Variants in WDR49 observed in about 807,000 individuals in gnomAD.
The protein encoded by WDR49 is WD repeat domain 49, also known as cilia- and flagella-associated protein 337.
In WDR49, 107 loss-of-function variants were observed where a neutral mutation model predicts 119.5. That is an observed-to-expected ratio of 0.90 (90% CI 0.77 to 1.05). The LOEUF (loss-of-function observed/expected upper bound fraction) is 1.05. Ranked by LOEUF, WDR49 falls within the 50% of genes least tolerant of loss-of-function variation. The probability of loss-of-function intolerance (pLI) is 0.00; values close to 1 mark genes in which losing one functional copy is unlikely to be tolerated. For synonymous variants in WDR49, 425 were observed against 418.8 expected, an observed-to-expected ratio of 1.01 and a Z score of -0.18; for missense variants, 1,240 against 1,220.5, an observed-to-expected ratio of 1.02 and a Z score of -0.24.
At chr3:167,540,373 A>T (rs553958014) in intron 10 of WDR49, among the ~76,000 whole-genome samples, 1 of 152,280 alleles carries the variant, frequency 6.6e-6, no homozygotes. Context: ...GACTCTTTGC[A>T]GACACTCCCC....
chr3:167,533,983 T>C (rs893128548), intron 11 of WDR49, among the ~76,000 whole-genome samples: 7 of 151,480 alleles, frequency 4.6e-5, no homozygotes, highest in African/African-American at 1.7e-4. Flanking sequence ...AGGTCAGGAG[T>C]TCGAGACCAG....
In WDR49 at chr3:167,537,862, A is replaced by T. The variant is rs192495456; in HGVS notation, c.1824-862T>A. ...CAAAGTTATGGGGTCTTTCACCATC[A>T]TTCTCTCTTCACCTTCCTGAAATCT... On this transcript the variant is annotated intron_variant, in intron 10 of 18. Coordinates refer to ENST00000682715, the MANE Select transcript of WDR49 (RefSeq NM_001366157.1). Among the ~76,000 whole-genome samples, 22 of 152,164 alleles carry T rather than the reference A, an allele frequency of 1.4e-4. No homozygotes were observed. In the East Asian group the frequency reaches 4.3e-3, roughly 29 times the overall value.
chr3:167,607,365 G>T (rs1037506503), intron 5 of WDR49, among the ~76,000 whole-genome samples: 1 of 152,084 alleles, frequency 6.6e-6, no homozygotes, highest in Non-Finnish European at 1.5e-5. Context: ...CACTTTCTGA[G>T]CCCCAACAGT....
chr3:167,648,341 A>AGAT (rs1048027018), intron 2 of WDR49, among the ~76,000 whole-genome samples: 20 of 152,224 alleles, frequency 1.3e-4, no homozygotes, highest in Non-Finnish European at 2.1e-4. Context: ...TTACAACAGA[A>AGAT]GATACATAGG....
At chr3:167,635,873 T>A (rs749462852) in intron 2 of WDR49, among the ~76,000 whole-genome samples, 1 of 151,726 alleles carries the variant, frequency 6.6e-6, no homozygotes, top group Non-Finnish European at 1.5e-5. Flanking sequence ...CAGCACCAGT[T>A]AGGTATACGT....
chr3:167,491,615 A>T (rs947341573), intron 18 of WDR49, among the ~76,000 whole-genome samples: 18 of 152,188 alleles, frequency 1.2e-4, no homozygotes, highest in African/African-American at 4.3e-4. Flanking sequence ...CAGCTACAAC[A>T]AAACAAGTCA....
chr3:167,495,682 A>G (rs932179534), intron 18 of WDR49, among the ~76,000 whole-genome samples: 2 of 151,938 alleles, frequency 1.3e-5, no homozygotes, highest in African/African-American at 4.8e-5. Flanking sequence ...GATGCATTTG[A>G]TAAATTTCTA....
rs1322227730 is a variant in WDR49 at position 167,518,293 on chromosome 3, C to A, written c.2774+4022G>T. Among the ~76,000 whole-genome samples the A allele has an allele frequency of 2.0e-5, 3 of 150,998 alleles. No homozygotes were observed. In the East Asian group the frequency reaches 5.9e-4, roughly 30 times the overall value. On this transcript the variant is annotated intron_variant, in intron 16 of 18. Transcript: ENST00000682715. Reference sequence around the variant, plus strand: ...CAAATGGTATTTCTAGTTCTAGATCCCTGAGGAATCGCCACACTGACTTCC... The same window carrying A: ...CAAATGGTATTTCTAGTTCTAGATCACTGAGGAATCGCCACACTGACTTCC...
At chr3:167,588,954 C>G (rs906814963) in intron 7 of WDR49, among the ~76,000 whole-genome samples, 1 of 151,462 alleles carries the variant, frequency 6.6e-6, no homozygotes, top group African/African-American at 2.4e-5. Flanking sequence ...TGATCCCACT[C>G]ATCCATTTTT....
chr3:167,653,637 G>T, intron 1 of WDR49, 138 bp from the exon 2 acceptor site: 2 of 482,176 alleles, frequency 4.1e-6, no homozygotes, highest in Middle Eastern at 5.5e-4. Context: ...TTTGATTCTA[G>T]AGTTTATTTT....
At chr3:167,544,596 A>G (rs1712050918) in intron 10 of WDR49, among the ~76,000 whole-genome samples, 1 of 152,124 alleles carries the variant, frequency 6.6e-6, no homozygotes. Context: ...AAGTGGGTAA[A>G]GGACATGCTA....
chr3:167,567,072 G>A (rs1394927024), intron 8 of WDR49, among the ~76,000 whole-genome samples: 1 of 152,086 alleles, frequency 6.6e-6, no homozygotes, highest in African/African-American at 2.4e-5. Context: ...CTCTAAAAAT[G>A]TTTCCAAACA....
chr3:167,531,047 A>G, intron 13 of WDR49, 68 bp downstream of exon 13: 3 of 1,508,422 alleles, frequency 2.0e-6, no homozygotes, highest in South Asian at 1.2e-5. Context: ...AAGATCTAGT[A>G]GAAATAGATT....
At chr3:167,599,519 C>T (rs1200825191) in intron 7 of WDR49, among the ~76,000 whole-genome samples, 3 of 152,218 alleles carry the variant, frequency 2.0e-5, no homozygotes, top group Non-Finnish European at 4.4e-5. Context: ...TCAAGAAATG[C>T]TGTCCAAGGG....
In WDR49 at chr3:167,529,074, C is replaced by T; in HGVS notation, c.2384G>A (p.Trp795Ter). The T allele has an allele frequency of 1.9e-6, 3 of 1,581,518 alleles. No homozygotes were observed. Among genetic ancestry groups the T allele is most frequent in the Non-Finnish European group, 2.6e-6 (3 of 1,168,638 alleles). Residue 795 changes from tryptophan (W) to a stop codon, truncating the protein, a stop_gained, in exon 14 of 19, where the codon TGG becomes TAG. Coordinates refer to ENST00000682715, the MANE Select transcript of WDR49 (RefSeq NM_001366157.1). LOFTEE classifies it high-confidence loss of function. ...TACCTCTATATTCCAGATTTTCAAC[C>T]ATCCATCAAGATCTCCTGTGGTAAG... ...RYLTTGDLDG[W>*]LKIWNIEEYC...
chr3:167,579,663 A>C (rs1395566390), intron 7 of WDR49, among the ~76,000 whole-genome samples: 1 of 152,184 alleles, frequency 6.6e-6, no homozygotes, highest in Non-Finnish European at 1.5e-5. Context: ...CATCACTAAA[A>C]AAATTTTAAA....
At chr3:167,480,954 C>A (rs1245094279) in intron 18 of WDR49, among the ~76,000 whole-genome samples, 2 of 151,930 alleles carry the variant, frequency 1.3e-5, no homozygotes, top group East Asian at 3.9e-4. Flanking sequence ...CTGTATCACA[C>A]ACATGAGTCA....
chr3:167,568,016 A>G lies in WDR49; in HGVS notation c.1510-7788T>C, dbSNP rs1169509201. Among the ~76,000 whole-genome samples the G allele has an allele frequency of 2.0e-5, 3 of 152,218 alleles. No individual in the cohort carries two copies. In the East Asian group the frequency reaches 5.8e-4, roughly 29 times the overall value. On this transcript the variant is annotated intron_variant, in intron 8 of 18. Transcript: ENST00000682715. Reference sequence around the variant, plus strand: ...CTGTCCTGATCATAAACCTGGCTGCATTTGCACAAAATAACAGAGTTGGTC... The same window carrying G: ...CTGTCCTGATCATAAACCTGGCTGCGTTTGCACAAAATAACAGAGTTGGTC...
intron 3 of WDR49, among the ~76,000 whole-genome samples, chr3:167,623,833 C>T (rs922033716): frequency 6.6e-6 from 1 of 151,946 alleles, no homozygotes; most frequent in Non-Finnish European, 1.5e-5. Context: ...AAAAACACTA[C>T]AGAACTAACA....
Sources: allele counts gnomAD v4.1 joint callset (sites outside exome capture counted in the v4.1 genomes callset), GRCh38; gene constraint gnomAD v4.1.1; transcripts MANE v1.5; gene names NCBI Gene and HGNC (gene_info 2026-07-23, HGNC 2026-07-21).